LOC128706665: variants seen among roughly 807,000 people sequenced by gnomAD.
the LOC128706665 span, among the ~76,000 whole-genome samples, chr20:10,417,700 A>G: frequency 1.1e-4 from 17 of 152,306 alleles, 1 homozygote; most frequent in African/African-American, 4.1e-4. Flanking sequence ...TCATCATCAA[A>G]AGTGGATCAG....
chr20:10,424,000 A>AG, the LOC128706665 span, among the ~76,000 whole-genome samples: 1 of 152,198 alleles, frequency 6.6e-6, no homozygotes, highest in Admixed American at 6.5e-5. Context: ...GGGGTGAGAG[A>AG]GCAAGTAACT....
At chr20:10,423,282 G>A in the LOC128706665 span, among the ~76,000 whole-genome samples, 1 of 152,142 alleles carries the variant, frequency 6.6e-6, no homozygotes, top group Non-Finnish European at 1.5e-5. Flanking sequence ...AGCTGGGCAT[G>A]GTGGCGCACG....
the LOC128706665 span, among the ~76,000 whole-genome samples, chr20:10,414,945 T>C: frequency 1.3e-5 from 2 of 152,166 alleles, no homozygotes; most frequent in African/African-American, 2.4e-5. Context: ...TGACAGTACA[T>C]GCAAAAACCA....
the LOC128706665 span, among the ~76,000 whole-genome samples, chr20:10,417,494 C>G: frequency 6.6e-6 from 1 of 152,046 alleles, no homozygotes; most frequent in Non-Finnish European, 1.5e-5. Context: ...GCCTATAGTC[C>G]CAGCTACTTG....
At chr20:10,428,887 G>A in the LOC128706665 span, among the ~76,000 whole-genome samples, 4 of 152,070 alleles carry the variant, frequency 2.6e-5, no homozygotes, top group Non-Finnish European at 4.4e-5. Context: ...GCTGTCAGAA[G>A]AACTGGTATT....
the LOC128706665 span, among the ~76,000 whole-genome samples, chr20:10,430,668 G>A: frequency 6.6e-5 from 10 of 152,300 alleles, no homozygotes; most frequent in East Asian, 1.3e-3. Context: ...GACTAGGGTA[G>A]TGAATCTGGT....
the LOC128706665 span, among the ~76,000 whole-genome samples, chr20:10,426,453 G>A: frequency 6.6e-6 from 1 of 152,212 alleles, no homozygotes; most frequent in African/African-American, 2.4e-5. Context: ...TTGCCCAAGG[G>A]GGAGCGTAGT....
At chr20:10,418,877 C>T in the LOC128706665 span, among the ~76,000 whole-genome samples, 1 of 152,170 alleles carries the variant, frequency 6.6e-6, no homozygotes, top group South Asian at 2.1e-4. Context: ...AATTCTCTAA[C>T]TCCCTGCTTA....
At chr20:10,429,582 C>T in the LOC128706665 span, among the ~76,000 whole-genome samples, 14 of 152,328 alleles carry the variant, frequency 9.2e-5, no homozygotes, top group South Asian at 2.7e-3. Flanking sequence ...ACCTGGATTT[C>T]CTGTTTCGTT....
At chr20:10,421,766 T>A in the LOC128706665 span, among the ~76,000 whole-genome samples, 1 of 151,672 alleles carries the variant, frequency 6.6e-6, no homozygotes, top group South Asian at 2.1e-4. Flanking sequence ...ACAAAGTTAG[T>A]TAGCTTTTAA....
At chr20:10,426,185 C>T in the LOC128706665 span, among the ~76,000 whole-genome samples, 1 of 152,194 alleles carries the variant, frequency 6.6e-6, no homozygotes, top group Non-Finnish European at 1.5e-5. Flanking sequence ...AGATTACTGT[C>T]AGTTAACTGT....
chr20:10,429,463 C>T, the LOC128706665 span, among the ~76,000 whole-genome samples: 2 of 152,202 alleles, frequency 1.3e-5, no homozygotes. Flanking sequence ...CCAGCTTAGA[C>T]CCACATAATA....
At chr20:10,431,456 A>G in the LOC128706665 span, among the ~76,000 whole-genome samples, 1 of 152,006 alleles carries the variant, frequency 6.6e-6, no homozygotes, top group Non-Finnish European at 1.5e-5. Context: ...CTTGTCCTCA[A>G]GGAGAATACA....
the LOC128706665 span, among the ~76,000 whole-genome samples, chr20:10,422,944 C>T: frequency 1.3e-5 from 2 of 152,066 alleles, no homozygotes; most frequent in African/African-American, 4.8e-5. Context: ...ATCTCCTGAC[C>T]TTGCGATCCG....
the LOC128706665 span, chr20:10,413,840 C>T: frequency 2.2e-6 from 1 of 455,476 alleles, no homozygotes. Flanking sequence ...TGAAAGATAT[C>T]CCAGCTACAA....
chr20:10,421,009 A>G, the LOC128706665 span, among the ~76,000 whole-genome samples: 1 of 152,246 alleles, frequency 6.6e-6, no homozygotes, highest in African/African-American at 2.4e-5. Context: ...CAAAGGAGCA[A>G]CATTACCTGC....
the LOC128706665 span, among the ~76,000 whole-genome samples, chr20:10,423,427 C>A: frequency 2.0e-5 from 3 of 151,932 alleles, no homozygotes; most frequent in Non-Finnish European, 2.9e-5. Flanking sequence ...TTCAAAAAAA[C>A]AAACCAAAAG....
chr20:10,431,527 AAAACC>A, the LOC128706665 span, among the ~76,000 whole-genome samples: 4,103 of 150,810 alleles, frequency 0.027, 131 homozygotes, highest in African/African-American at 0.08. Context: ...ATAGGGTCAA[AAAACC>A]AAACCAAACC....
the LOC128706665 span, among the ~76,000 whole-genome samples, chr20:10,433,080 C>T: frequency 6.6e-6 from 1 of 152,286 alleles, no homozygotes; most frequent in African/African-American, 2.4e-5. Flanking sequence ...CTCCGCTCAC[C>T]GCAACCTCCG....
Sources: allele counts gnomAD v4.1 joint callset (sites outside exome capture counted in the v4.1 genomes callset), GRCh38; gene constraint gnomAD v4.1.1; transcripts MANE v1.5.